NTM: variants seen among roughly 807,000 people sequenced by gnomAD.
NTM encodes the protein neurotrimin.
A neutral mutation model predicts 42.1 loss-of-function variants in NTM; 13 were observed. That is an observed-to-expected ratio of 0.31 (90% CI 0.20 to 0.49). The LOEUF is 0.49. NTM is among the 20% of genes least tolerant of loss of function. NTM has a pLI of 0.99. For synonymous variants in NTM, 187 were observed against 179.2 expected (o/e 1.04, Z -0.35); for missense variants, 373 against 452.8 (o/e 0.82, Z 1.60).
intron 4 of NTM, among the ~76,000 whole-genome samples, chr11:132,245,950 C>T (rs1374586374): frequency 6.6e-6 from 1 of 152,152 alleles, no homozygotes; most frequent in Non-Finnish European, 1.5e-5. Flanking sequence ...ATCCCAGCTG[C>T]CGCGTCAGGA....
At chr11:132,042,651 T>C (rs1291246142) in intron 2 of NTM, among the ~76,000 whole-genome samples, 2 of 152,172 alleles carry the variant, frequency 1.3e-5, no homozygotes, top group Non-Finnish European at 2.9e-5. Flanking sequence ...GGGTATGAGA[T>C]GGGTCCTGCC....
At chr11:131,373,735 T>C (rs1386176195) in intron 1 of NTM, among the ~76,000 whole-genome samples, 1 of 152,108 alleles carries the variant, frequency 6.6e-6, no homozygotes, top group African/African-American at 2.4e-5. Context: ...ACCGACCATT[T>C]CTCCTTCGAA....
At chr11:131,393,834 T>C (rs546150150) in intron 1 of NTM, among the ~76,000 whole-genome samples, 1 of 152,366 alleles carries the variant, frequency 6.6e-6, no homozygotes, top group Non-Finnish European at 1.5e-5. Flanking sequence ...CCACCAGTGA[T>C]ACGTGCAATT....
rs79522891 is a variant in NTM, at chr11:131,416,392, C to A, written c.82+45504C>A. Among the ~76,000 whole-genome samples the A allele has an allele frequency of 4.9e-3, 750 of 152,300 alleles. 6 individuals are homozygous for A. Among genetic ancestry groups the A allele is most frequent in the African/African-American group, 0.017 (703 of 41,552 alleles). ...TTTCACTTACACATTTGCTGCGTTA[C>A]AGGAACTGCTGAGTAAGAAGCCATG... On this transcript the variant is annotated intron_variant, in intron 1 of 8. Transcript: ENST00000683400.
At chr11:132,164,360 T>C (rs2074918196) in intron 3 of NTM, among the ~76,000 whole-genome samples, 1 of 152,226 alleles carries the variant, frequency 6.6e-6, no homozygotes, top group Non-Finnish European at 1.5e-5. Flanking sequence ...CATATGGTCA[T>C]TGTTTTTGCT....
At chr11:131,665,106 G>T (rs868178972) in intron 1 of NTM, among the ~76,000 whole-genome samples, 1 of 152,150 alleles carries the variant, frequency 6.6e-6, no homozygotes, top group African/African-American at 2.4e-5. Context: ...CTCCTGTCCT[G>T]CAGGGAAATT....
rs950646475 is a variant in NTM, at chr11:131,667,660, G to A, written c.83-243904G>A. Among the ~76,000 whole-genome samples, 31 of 152,188 alleles carry A rather than the reference G, an allele frequency of 2.0e-4. 1 individual carries two copies. The highest frequency in any genetic ancestry group is 7.0e-4 in the African/African-American group (29 of 41,444). On this transcript the variant is annotated intron_variant, in intron 1 of 8. Transcript: ENST00000683400. Reference sequence around the variant, plus strand: ...CAGCAGTGAGCAAGTGTTCAGCCTCGTGCTTCTCTCAACAGGAATAGCCCA... The same window carrying A: ...CAGCAGTGAGCAAGTGTTCAGCCTCATGCTTCTCTCAACAGGAATAGCCCA...
At chr11:131,599,241 C>G (rs1346152882) in intron 1 of NTM, among the ~76,000 whole-genome samples, 1 of 138,176 alleles carries the variant, frequency 7.2e-6, no homozygotes, top group Non-Finnish European at 1.6e-5. Flanking sequence ...TGCATCGGCC[C>G]GAGTGTGCCA....
intron 3 of NTM, among the ~76,000 whole-genome samples, chr11:132,208,879 A>C (rs1189629935): frequency 6.6e-6 from 1 of 152,180 alleles, no homozygotes; most frequent in Non-Finnish European, 1.5e-5. Flanking sequence ...AGTGCTTTAC[A>C]GATCAATAAA....
chr11:131,803,113 C>T (rs2092263423), intron 1 of NTM, among the ~76,000 whole-genome samples: 1 of 151,674 alleles, frequency 6.6e-6, no homozygotes, highest in South Asian at 2.1e-4. Flanking sequence ...GAGATTTTCC[C>T]CCTATGGCAG....
intron 1 of NTM, chr11:131,573,664 T>A (rs1171253195): frequency 6.6e-6 from 1 of 152,170 alleles, no homozygotes; most frequent in East Asian, 1.9e-4. Context: ...TAGAGATTAT[T>A]TTCGTTAACA....
intron 1 of NTM, among the ~76,000 whole-genome samples, chr11:131,827,782 A>G (rs1461182215): frequency 6.6e-6 from 1 of 152,154 alleles, no homozygotes; most frequent in African/African-American, 2.4e-5. Flanking sequence ...TCCTTCCCCA[A>G]ATTAACTTGT....
intron 1 of NTM, chr11:131,770,985 T>C (rs1432130187): frequency 6.6e-6 from 1 of 152,234 alleles, no homozygotes; most frequent in African/African-American, 2.4e-5. Context: ...TTCAGGATGA[T>C]GTCGCCTTTC....
At chr11:131,419,339 A>C (rs1403082083) in intron 1 of NTM, among the ~76,000 whole-genome samples, 1 of 152,142 alleles carries the variant, frequency 6.6e-6, no homozygotes, top group Non-Finnish European at 1.5e-5. Flanking sequence ...GGTGCAAGTA[A>C]ATTGGTGAGT....
At chr11:131,840,973 G>A (rs1592212998) in intron 1 of NTM, among the ~76,000 whole-genome samples, 1 of 152,180 alleles carries the variant, frequency 6.6e-6, no homozygotes, top group Admixed American at 6.5e-5. Flanking sequence ...TGAACTAGTG[G>A]GAAAGTATGG....
chr11:131,874,612 C>A (rs2048312805), intron 1 of NTM, among the ~76,000 whole-genome samples: 2 of 152,124 alleles, frequency 1.3e-5, no homozygotes, highest in Non-Finnish European at 2.9e-5. Flanking sequence ...GCATTCTCAG[C>A]CAAGGACTAG....
intron 1 of NTM, among the ~76,000 whole-genome samples, chr11:131,745,570 C>T (rs1323774191): frequency 6.6e-6 from 1 of 152,192 alleles, no homozygotes; most frequent in East Asian, 1.9e-4. Flanking sequence ...GGGTCAGTGA[C>T]ACATATTGAA....
intron 1 of NTM, among the ~76,000 whole-genome samples, chr11:131,869,709 C>G (rs1029980108): frequency 6.7e-6 from 1 of 148,852 alleles, no homozygotes; most frequent in South Asian, 2.1e-4. Flanking sequence ...AGATCTCAGG[C>G]CCAGGTGCCA....
chr11:131,471,827 G>A lies in NTM; in HGVS notation c.82+100939G>A, dbSNP rs77155872. On this transcript the variant is annotated intron_variant, in intron 1 of 8. Coordinates refer to ENST00000683400, the MANE Select transcript of NTM (RefSeq NM_001352005.2). ...GACTGGGGTTGTAGGGATTTACTCC[G>A]ATCACCAGCTGCTTGTCTTTCCACC... is the stretch of plus-strand genomic sequence containing the variant. 5.4e-3 allele frequency among the ~76,000 whole-genome samples: 819 copies of A among 152,308 alleles called. 6 individuals carry two copies. The highest frequency in any genetic ancestry group is 0.019 in the African/African-American group (773 of 41,564).
Sources: gnomAD v4.1 joint callset for allele counts (sites outside exome capture counted in the v4.1 genomes callset) on GRCh38, gnomAD v4.1.1 for gene constraint, MANE v1.5 for transcripts, NCBI Gene and HGNC (gene_info 2026-07-23, HGNC 2026-07-21) for gene names.